AP3M2: variants seen among roughly 807,000 people sequenced by gnomAD.
AP3M2 encodes adaptor related protein complex 3 subunit mu 2, also known as AP-3 complex subunit mu-2.
In AP3M2, 28 loss-of-function variants were observed where a neutral mutation model predicts 41.6. That is an observed-to-expected ratio of 0.67 (90% confidence interval 0.50 to 0.92). AP3M2 has a LOEUF of 0.92. Among genes scored for constraint, AP3M2 ranks in the 40% least tolerant of loss-of-function variants. The pLI, the probability that AP3M2 is intolerant of heterozygous loss-of-function variation, is 0.00. For synonymous variants in AP3M2, 193 were observed against 186.4 expected (o/e 1.04, Z -0.29); for missense variants, 427 against 521.4 (o/e 0.82, Z 1.76).
intron 4 of AP3M2, among the ~76,000 whole-genome samples, chr8:42,162,943 CAAA>C (rs67923954): frequency 7.4e-5 from 4 of 54,224 alleles, no homozygotes; most frequent in South Asian, 4.6e-4. Context: ...GACCCTGTCT[CAAA>C]AAAAAAAAAA....
chr8:42,167,658 C>CT lies in AP3M2; in HGVS notation c.1012-5dup. Reference sequence around the variant, plus strand: ...AAGACCACTTCTCCATTTTTATTTTCTTTGAAGATGCTGTCTTGGGATGTA... The same window carrying CT: ...AAGACCACTTCTCCATTTTTATTTTCTTTTGAAGATGCTGTCTTGGGATGTA... On this transcript the variant is annotated splice_region_variant and splice_polypyrimidine_tract_variant and intron_variant, in intron 7 of 8. Transcript: ENST00000396926. 1 of 1,595,534 alleles carries CT rather than the reference C, an allele frequency of 6.3e-7. No homozygotes were observed. The highest frequency in any genetic ancestry group is 8.5e-7 in the Non-Finnish European group (1 of 1,175,148).
chr8:42,166,591 C>CAA (rs56858276), intron 6 of AP3M2, among the ~76,000 whole-genome samples: 29 of 77,072 alleles, frequency 3.8e-4, no homozygotes, highest in African/African-American at 1.4e-3. Flanking sequence ...CTTGTCTCTA[C>CAA]AAAAAAAAAA....
intron 1 of AP3M2, 79 bp from the exon 2 acceptor site, chr8:42,154,537 G>C (rs907336006): frequency 2.7e-6 from 3 of 1,131,740 alleles, no homozygotes; most frequent in Non-Finnish European, 3.7e-6. Flanking sequence ...TGAAAGATGG[G>C]TAAGTCTTGG....
chr8:42,157,057 T>C (rs1804373692), intron 2 of AP3M2, among the ~76,000 whole-genome samples: 1 of 152,162 alleles, frequency 6.6e-6, no homozygotes, highest in Non-Finnish European at 1.5e-5. Context: ...TTCAAGAGGG[T>C]TGCATGACCC....
intron 4 of AP3M2, among the ~76,000 whole-genome samples, chr8:42,164,385 A>G (rs1298060870): frequency 1.3e-5 from 2 of 152,202 alleles, no homozygotes; most frequent in Non-Finnish European, 2.9e-5. Context: ...ACTTGAAAAA[A>G]GAATAGGTAA....
At chr8:42,168,930 T>G in intron 8 of AP3M2, 31 bp from the exon 9 acceptor site, 1 of 1,517,402 alleles carries the variant, frequency 6.6e-7, no homozygotes, top group Non-Finnish European at 9.0e-7. Flanking sequence ...ATAATACTCA[T>G]GTCTATTTTC....
chr8:42,165,608 T>G (rs1390805279), intron 6 of AP3M2, 48 bp downstream of exon 6: 1 of 1,602,192 alleles, frequency 6.2e-7, no homozygotes, highest in African/African-American at 1.3e-5. Context: ...TGTACATGTA[T>G]GTGGAAACCG....
chr8:42,163,534 T>C (rs1265171242), intron 4 of AP3M2, among the ~76,000 whole-genome samples: 1 of 151,924 alleles, frequency 6.6e-6, no homozygotes, highest in Non-Finnish European at 1.5e-5. Context: ...GAGGTGGGGG[T>C]GTTTATGCTT....
At chr8:42,167,902 T>C in intron 8 of AP3M2, 92 bp downstream of exon 8, 1 of 1,457,762 alleles carries the variant, frequency 6.9e-7, no homozygotes, top group East Asian at 2.3e-5. Context: ...CTGGGCTTCC[T>C]GTTTACAAGG....
At position 42,165,460 on chromosome 8, in the gene AP3M2, C is replaced by G; in HGVS notation, c.703C>G (p.Pro235Ala). Residue 235 changes from proline to alanine, a missense_variant, in exon 6 of 9, where the codon CCT becomes GCT. Around this residue, in one of 3 missense-constraint regions of AP3M2, gnomAD observed 237 missense variants for 284.9 expected, o/e 0.83. Coordinates refer to ENST00000396926, the MANE Select transcript of AP3M2 (RefSeq NM_006803.4). ...GTTGTTGGATGATGTCAGCTTCCAT[C>G]CTTGTGTTCGTTTCAAACGCTGGGA... Reference protein sequence around the residue: ...PRLLDDVSFHPCVRFKRWESE... With the variant: ...PRLLDDVSFHACVRFKRWESE... 6.2e-7 allele frequency: 1 copy of G among 1,614,182 alleles called. No individual in the cohort carries two copies.
intron 7 of AP3M2, 37 bp downstream of exon 7, chr8:42,167,408 A>G (rs769132993): frequency 6.2e-7 from 1 of 1,607,166 alleles, no homozygotes; most frequent in Non-Finnish European, 8.5e-7. Flanking sequence ...TGCTGATGTT[A>G]AGCAGAAACC....
rs1804785482 is a variant in AP3M2 at position 42,171,011 on chromosome 8, C to T, written c.*1950C>T. 6.6e-6 allele frequency: 1 copy of T among 152,226 alleles called. No individual in the cohort carries two copies. Among genetic ancestry groups the T allele is most frequent in the Non-Finnish European group, 1.5e-5 (1 of 68,062 alleles). 9.4% of individuals were successfully genotyped at this position (152,226 alleles called of 1,614,324 possible). On this transcript the variant is annotated 3_prime_UTR_variant, in exon 9 of 9. Transcript: ENST00000396926. ...TGTAAGCATAGATGAAATAACTGTC[C>T]TGTCACATGTGCAGCAGGCCATGGA...
At position 42,165,539 on chromosome 8, in the gene AP3M2, C is replaced by G. The variant is rs764722819; in HGVS notation, c.782C>G (p.Ser261Cys). ...IPPDGNFRLLSYHVSAQNLVA... is the reference protein window; with the variant it reads ...IPPDGNFRLLCYHVSAQNLVA... ...CCTGATGGAAACTTCCGCCTGCTGT[C>G]TTACCATGTCAGTGCACAGAAGTAA... The change falls in exon 6 of 9, where the codon TCT (serine) becomes TGT (cysteine). Residue 261 changes from serine to cysteine, a missense_variant. Physicochemically the swap from Ser to Cys is moderately radical, Grantham distance 112. Around this residue, in one of 3 missense-constraint regions of AP3M2, gnomAD observed 237 missense variants for 284.9 expected, o/e 0.83. Coordinates refer to ENST00000396926, the MANE Select transcript of AP3M2 (RefSeq NM_006803.4). 1.2e-6 allele frequency: 2 copies of G among 1,614,142 alleles called. No homozygotes were observed. The highest frequency in any genetic ancestry group is 2.2e-5 in the South Asian group (2 of 91,074).
chr8:42,167,738 G>A lies in AP3M2; in HGVS notation c.1084G>A (p.Ala362Thr). 1 of 1,614,120 alleles carries A rather than the reference G, an allele frequency of 6.2e-7. No individual in the cohort carries two copies. The change falls in exon 8 of 9, where the codon GCT becomes ACT. Residue 362 changes from alanine (A) to threonine (T), a missense_variant. This residue lies in a region of AP3M2 where 237 missense variants were observed against 284.9 expected (regional missense o/e 0.83). Transcript: ENST00000396926. ...PSLKGTMSLQ[A>T]GASKPDENPT... ...TTTGAAGGGGACCATGAGTCTTCAG[G>A]CTGGAGCTTCCAAACCAGATGAAAA... is the stretch of plus-strand genomic sequence containing the variant.
Position 42,169,161 on chromosome 8 carries a change from C to T in AP3M2, c.*100C>T, listed in dbSNP as rs1804725768. On this transcript the variant is annotated 3_prime_UTR_variant, in exon 9 of 9. Coordinates refer to ENST00000396926, the MANE Select transcript of AP3M2 (RefSeq NM_006803.4). ...AGCCTGTCTCCTAGGTCAGTCCCCT[C>T]CTGGACCCACCCGCTCCCTTTTTTC... 1.1e-6 allele frequency: 1 copy of T among 877,786 alleles called. No individual in the cohort carries two copies. Among genetic ancestry groups the T allele is most frequent in the African/African-American group, 1.7e-5 (1 of 57,216 alleles). 54.4% of individuals were successfully genotyped at this position (877,786 alleles called of 1,614,324 possible). A position where few individuals can be genotyped will look rare whatever the true frequency, so the allele number is the denominator to read the frequency against.
At chr8:42,159,711 T>C (rs1268400314) in intron 3 of AP3M2, among the ~76,000 whole-genome samples, 1 of 152,240 alleles carries the variant, frequency 6.6e-6, no homozygotes, top group African/African-American at 2.4e-5. Context: ...TGTTTTGATT[T>C]AATCAAATTA....
At chr8:42,159,540 T>C (rs1471923300) in intron 3 of AP3M2, among the ~76,000 whole-genome samples, 1 of 152,204 alleles carries the variant, frequency 6.6e-6, no homozygotes, top group African/African-American at 2.4e-5. Context: ...TGTCCTTTGT[T>C]CATTTTTTTG....
Position 42,167,674 on chromosome 8 carries a change from T to C in AP3M2, c.1020T>C (p.Ser340=). The change falls in exon 8 of 9, where the codon TCT becomes TCC. Residue 340 remains serine, a synonymous_variant. Coordinates refer to ENST00000396926, the MANE Select transcript of AP3M2 (RefSeq NM_006803.4). ...HTFDPVTKML[S]WDVGKINPQK... Reference sequence around the variant, plus strand: ...TTTTATTTTCTTTGAAGATGCTGTCTTGGGATGTAGGAAAAATAAATCCAC... The same window carrying C: ...TTTTATTTTCTTTGAAGATGCTGTCCTGGGATGTAGGAAAAATAAATCCAC... 1 of 1,610,488 alleles carries C rather than the reference T, an allele frequency of 6.2e-7. No individual in the cohort carries two copies. Among genetic ancestry groups the C allele is most frequent in the Admixed American group, 1.7e-5 (1 of 58,782 alleles).
rs1447466872 is a variant in AP3M2, at chr8:42,167,322, T to C, written c.962T>C (p.Met321Thr). 4 of 1,614,156 alleles carry C rather than the reference T, an allele frequency of 2.5e-6. No individual in the cohort carries two copies. Among genetic ancestry groups the C allele is most frequent in the Non-Finnish European group, 3.4e-6 (4 of 1,180,020 alleles). The change falls in exon 7 of 9, where the codon ATG (methionine) becomes ACG (threonine). Residue 321 changes from methionine (M) to threonine (T), a missense_variant. By Grantham distance (81) the Met-to-Thr change is moderately conservative. Coordinates refer to ENST00000396926, the MANE Select transcript of AP3M2 (RefSeq NM_006803.4). Reference protein sequence around the residue: ...TSQMPKGVLNMSLTPSQGTHT... With the variant: ...TSQMPKGVLNTSLTPSQGTHT... Reference sequence around the variant, plus strand: ...CAGATGCCCAAGGGGGTCCTGAACATGAGCCTTACTCCATCACAGGGGACA... The same window carrying C: ...CAGATGCCCAAGGGGGTCCTGAACACGAGCCTTACTCCATCACAGGGGACA...
Sources: allele counts gnomAD v4.1 joint callset (sites outside exome capture counted in the v4.1 genomes callset), GRCh38; gene constraint gnomAD v4.1.1; regional missense constraint gnomAD v4.1.1; transcripts MANE v1.5; gene names NCBI Gene and HGNC (gene_info 2026-07-23, HGNC 2026-07-21).